The following ALDH1A2 variants were observed in gnomAD, a reference collection of about 807,000 sequenced individuals.
ALDH1A2 encodes retinal dehydrogenase 2.
In ALDH1A2, 27 loss-of-function variants were observed where a neutral mutation model predicts 60.3. That is an observed-to-expected ratio of 0.45 (90% CI 0.33 to 0.62). The LOEUF is 0.62. Ranked by LOEUF, ALDH1A2 falls within the 20% of genes least tolerant of loss-of-function variation. The pLI, the probability that ALDH1A2 is intolerant of heterozygous loss-of-function variation, is 0.02. For missense variants in ALDH1A2, 581 were observed against 643.8 expected (o/e 0.90, Z 1.06); for synonymous variants, 289 against 232.4 (o/e 1.24, Z -2.21).
intron 4 of ALDH1A2, among the ~76,000 whole-genome samples, chr15:58,002,972 G>C (rs1260403002): frequency 6.6e-6 from 1 of 151,866 alleles, no homozygotes; most frequent in Non-Finnish European, 1.5e-5. Context: ...CGCTGAAACT[G>C]TATGTTAGTA....
At chr15:57,987,563 C>A (rs1425597830) in intron 7 of ALDH1A2, among the ~76,000 whole-genome samples, 2 of 151,874 alleles carry the variant, frequency 1.3e-5, no homozygotes, top group African/African-American at 2.4e-5. Context: ...AATTTTATAT[C>A]CAGAAAAAAA....
At chr15:58,065,316 G>A (rs1353636811) in intron 1 of ALDH1A2, 1 of 590,174 alleles carries the variant, frequency 1.7e-6, no homozygotes, top group Non-Finnish European at 3.0e-6. Context: ...CTGCGCTTCG[G>A]GTTGGGTTAA....
intron 4 of ALDH1A2, among the ~76,000 whole-genome samples, chr15:58,004,027 TG>T (rs1431277079): frequency 2.0e-5 from 3 of 151,786 alleles, no homozygotes; most frequent in African/African-American, 7.3e-5. Context: ...CATCCAGCTG[TG>T]GGCCTTGAGC....
At chr15:58,026,184 A>C (rs970946681) in intron 1 of ALDH1A2, among the ~76,000 whole-genome samples, 1 of 152,204 alleles carries the variant, frequency 6.6e-6, no homozygotes, top group Non-Finnish European at 1.5e-5. Flanking sequence ...CTTCAACAAA[A>C]TACTAACAAA....
chr15:57,970,776 T>C (rs3784257), intron 7 of ALDH1A2, among the ~76,000 whole-genome samples: 70,091 of 151,990 alleles, frequency 0.46, 16,653 homozygotes, highest in Non-Finnish European at 0.53. Context: ...GTAAACTAGT[T>C]AAAGATGCCT....
intron 7 of ALDH1A2, among the ~76,000 whole-genome samples, chr15:57,988,629 A>AATC (rs1894791973): frequency 6.6e-6 from 1 of 152,258 alleles, no homozygotes; most frequent in South Asian, 2.1e-4. Flanking sequence ...GCATGGAAAC[A>AATC]ATCTACATCT....
At chr15:57,986,727 C>A (rs899863846) in intron 7 of ALDH1A2, among the ~76,000 whole-genome samples, 1 of 152,048 alleles carries the variant, frequency 6.6e-6, no homozygotes, top group Non-Finnish European at 1.5e-5. Context: ...GGCTGGAGTG[C>A]GGTGGTGTGA....
chr15:58,002,819 C>T (rs1459846529), intron 4 of ALDH1A2, among the ~76,000 whole-genome samples: 1 of 151,820 alleles, frequency 6.6e-6, no homozygotes, highest in Non-Finnish European at 1.5e-5. Flanking sequence ...TCTTTGATGA[C>T]CACAGTATTA....
At chr15:58,018,273 G>T (rs1457517000) in intron 1 of ALDH1A2, among the ~76,000 whole-genome samples, 1 of 152,004 alleles carries the variant, frequency 6.6e-6, no homozygotes, top group East Asian at 1.9e-4. Context: ...AAATAATGCT[G>T]GTAATAGATT....
intron 4 of ALDH1A2, among the ~76,000 whole-genome samples, chr15:58,006,585 T>C (rs561885043): frequency 6.6e-6 from 1 of 152,064 alleles, no homozygotes; most frequent in South Asian, 2.1e-4. Flanking sequence ...CTTTAAGGAA[T>C]CTCCATACTG....
intron 1 of ALDH1A2, among the ~76,000 whole-genome samples, chr15:58,041,398 G>T (rs1896515422): frequency 6.6e-6 from 1 of 151,874 alleles, no homozygotes; most frequent in Non-Finnish European, 1.5e-5. Flanking sequence ...AAAATCTGTG[G>T]ATCTAAGTCT....
chr15:57,958,805 TG>T (rs1893627824), intron 12 of ALDH1A2, among the ~76,000 whole-genome samples: 1 of 152,104 alleles, frequency 6.6e-6, no homozygotes, highest in South Asian at 2.1e-4. Flanking sequence ...AAACATGTTT[TG>T]GGGGTAAGTA....
At chr15:57,956,704 T>C (rs1465027923) in intron 12 of ALDH1A2, among the ~76,000 whole-genome samples, 1 of 152,214 alleles carries the variant, frequency 6.6e-6, no homozygotes, top group East Asian at 1.9e-4. Flanking sequence ...GCTCTGGCTC[T>C]CTCTGGTCAT....
intron 7 of ALDH1A2, among the ~76,000 whole-genome samples, chr15:57,967,721 T>A (rs530745477): frequency 1.3e-5 from 2 of 152,248 alleles, no homozygotes; most frequent in East Asian, 3.9e-4. Flanking sequence ...TACCAAGGTG[T>A]TGGAAAATGC....
At chr15:57,994,213 G>A (rs981950378) in intron 5 of ALDH1A2, among the ~76,000 whole-genome samples, 1 of 152,142 alleles carries the variant, frequency 6.6e-6, no homozygotes, top group African/African-American at 2.4e-5. Flanking sequence ...AAGAGCAAGA[G>A]AACTTAAATC....
At chr15:57,982,803 C>T (rs971458883) in intron 7 of ALDH1A2, among the ~76,000 whole-genome samples, 1 of 152,150 alleles carries the variant, frequency 6.6e-6, no homozygotes, top group Non-Finnish European at 1.5e-5. Context: ...CTAGTATTTT[C>T]TCCAGCTTTT....
rs569216952 is a variant in ALDH1A2, at chr15:58,016,753, C to A, written c.118-2472G>T. ...AATTATTTCTAATTGTGCTAAAAAA[C>A]TAAAATAAGGAAAAAAAAATTACGA... On this transcript the variant is annotated intron_variant, in intron 1 of 12. Coordinates refer to ENST00000249750, the MANE Select transcript of ALDH1A2 (RefSeq NM_003888.4). Among the ~76,000 whole-genome samples, 227 of 151,960 alleles carry A rather than the reference C, an allele frequency of 1.5e-3. 1 individual carries two copies. The highest frequency in any genetic ancestry group is 0.01 in the Middle Eastern group (3 of 294).
chr15:57,961,444 G>A (rs1226147885), intron 10 of ALDH1A2, 150 bp from the exon 11 acceptor site: 2 of 1,018,910 alleles, frequency 2.0e-6, no homozygotes, highest in East Asian at 2.6e-5. Context: ...CCTTTCCTAG[G>A]ATAAGATTAT....
At chr15:57,969,820 C>T (rs1344589345) in intron 7 of ALDH1A2, among the ~76,000 whole-genome samples, 3 of 152,182 alleles carry the variant, frequency 2.0e-5, no homozygotes, top group Non-Finnish European at 4.4e-5. Context: ...ACAACGTACT[C>T]GTGTGATACC....
Sources: gnomAD v4.1 joint callset for allele counts (sites outside exome capture counted in the v4.1 genomes callset) on GRCh38, gnomAD v4.1.1 for gene constraint, MANE v1.5 for transcripts, NCBI Gene and HGNC (gene_info 2026-07-23, HGNC 2026-07-21) for gene names.